The following MED23 variants were observed in gnomAD, a reference collection of about 807,000 sequenced individuals.
MED23 encodes mediator of RNA polymerase II transcription subunit 23.
Under a neutral mutation model 163.9 loss-of-function variants are expected in MED23, and 105 were observed. The observed-to-expected ratio is 0.64, with a 90% CI of 0.55 to 0.75. The LOEUF (loss-of-function observed/expected upper bound fraction) is 0.75, where lower values mean the gene tolerates loss of function less well. Ranked by LOEUF, MED23 falls within the 30% of genes least tolerant of loss-of-function variation. The pLI, the probability that MED23 is intolerant of heterozygous loss-of-function variation, is 0.00. For synonymous variants in MED23, 561 were observed against 565.6 expected, an observed-to-expected ratio of 0.99 and a Z score of 0.12; for missense variants, 1,054 against 1,649.0, an observed-to-expected ratio of 0.64 and a Z score of 6.25.
At chr6:131,604,600 T>C (rs918964813) in intron 14 of MED23, among the ~76,000 whole-genome samples, 1 of 152,170 alleles carries the variant, frequency 6.6e-6, no homozygotes, top group African/African-American at 2.4e-5. Context: ...TTGAGGGATT[T>C]TGGTCACTCA....
chr6:131,608,515 C>A (rs927501097), intron 11 of MED23, among the ~76,000 whole-genome samples: 1 of 151,758 alleles, frequency 6.6e-6, no homozygotes, highest in Non-Finnish European at 1.5e-5. Context: ...GACTGGTTGT[C>A]ATAAAACATG....
At chr6:131,605,091 AT>A (rs1423965118) in intron 14 of MED23, 148 bp downstream of exon 14, 1 of 783,170 alleles carries the variant, frequency 1.3e-6, no homozygotes, top group Admixed American at 2.9e-5. Context: ...AATAAAAAAT[AT>A]TTACTTTTGT....
At chr6:131,627,863 A>C in intron 1 of MED23, 148 bp downstream of exon 1, 2 of 1,159,702 alleles carry the variant, frequency 1.7e-6, no homozygotes, top group South Asian at 1.2e-5. Flanking sequence ...GAATCACTAA[A>C]CTTCCCCGCA....
rs1033217169 is a variant in MED23, at chr6:131,577,853, G to A, written c.4096-3558C>T. On this transcript the variant is annotated intron_variant, in intron 30 of 30. Transcript: ENST00000354577. ...CCGGAGGCAGAGGTTGCAGTGAGCT[G>A]AGATTGCGCCACTGCACCCCAACCT... Among the ~76,000 whole-genome samples, 2 of 149,864 alleles carry A rather than the reference G, an allele frequency of 1.3e-5. 1 individual carries two copies. The highest frequency in any genetic ancestry group is 1.3e-4 in the Admixed American group (2 of 14,964).
chr6:131,582,465 C>T (rs1033558829), downstream of MED23, among the ~76,000 whole-genome samples: 2 of 152,288 alleles, frequency 1.3e-5, no homozygotes, highest in Middle Eastern at 3.4e-3. Context: ...GGGAGGCACA[C>T]ATCCTCTTCT....
In MED23 at chr6:131,591,335, C is replaced by T. The variant is rs780433686; in HGVS notation, c.3664G>A (p.Gly1222Arg). The T allele has an allele frequency of 3.1e-6, 5 of 1,612,522 alleles. No individual in the cohort carries two copies. The highest frequency in any genetic ancestry group is 1.7e-5 in the Admixed American group (1 of 60,000). Reference protein sequence around the residue: ...AHAVWHHSSIGQLSLIPKFLT... With the variant: ...AHAVWHHSSIRQLSLIPKFLT... ...TACTTTGGAATGAGAGAAAGTTGTC[C>T]GATGCTAGAATGGTGCCACACAGCA... The change falls in exon 26 of 29, where the codon GGA (glycine) becomes AGA (arginine). Residue 1222 changes from glycine (G) to arginine (R), a missense_variant. Gly to Arg is a moderately radical substitution (Grantham distance 125, BLOSUM62 -2). Coordinates refer to ENST00000368068, the MANE Select transcript of MED23 (RefSeq NM_004830.4).
intron 8 of MED23, among the ~76,000 whole-genome samples, chr6:131,619,599 T>G (rs1284057145): frequency 1.3e-5 from 2 of 152,180 alleles, no homozygotes; most frequent in African/African-American, 4.8e-5. Flanking sequence ...ACTTCTAGAA[T>G]GGTTTTAAAT....
intron 5 of MED23, 54 bp downstream of exon 5, chr6:131,623,297 C>T (rs548409769): frequency 6.5e-5 from 91 of 1,410,374 alleles, no homozygotes; most frequent in Non-Finnish European, 7.9e-5. Flanking sequence ...ACATGCACAC[C>T]GAAAAATCAA....
chr6:131,624,861 G>A lies in MED23; in HGVS notation c.284+4C>T, dbSNP rs752028214. On this transcript the variant is annotated splice_donor_region_variant and intron_variant, in intron 4 of 28. Transcript: ENST00000368068. ...TTCAGATTGCTCATACCCATTAAAC[G>A]TACCTGGGTGGAAGGAGACCAGTCT... The A allele has an allele frequency of 2.5e-5, 41 of 1,613,414 alleles. No homozygotes were observed. Among genetic ancestry groups the A allele is most frequent in the Middle Eastern group, 1.6e-4 (1 of 6,080 alleles).
At chr6:131,622,147 C>T (rs963192113) in intron 5 of MED23, among the ~76,000 whole-genome samples, 168 bp from the exon 6 acceptor site, 4 of 152,070 alleles carry the variant, frequency 2.6e-5, no homozygotes, top group African/African-American at 9.7e-5. Flanking sequence ...AGTCATGTTC[C>T]AAAACAGAGT....
Position 131,600,091 on chromosome 6 carries a change from T to C in MED23, c.2167A>G (p.Thr723Ala). Residue 723 changes from threonine (T) to alanine (A), a missense_variant, in exon 18 of 29, where the codon ACT becomes GCT. This residue lies in a region of MED23 where 228 missense variants were observed against 461.3 expected (regional missense o/e 0.49). Transcript: ENST00000368068. ...GTGTGTGAAGCCCAATTATGAGGAG[T>C]GAAACTCATGATGGTCTGAAGTATG... ...KDILQTIMSF[T>A]PHNWASHTLS... 6.2e-7 allele frequency: 1 copy of C among 1,613,464 alleles called. No individual in the cohort carries two copies. The highest frequency in any genetic ancestry group is 8.5e-7 in the Non-Finnish European group (1 of 1,179,606).
intron 25 of MED23, chr6:131,591,997 T>C (rs1029301382): frequency 5.7e-5 from 13 of 228,588 alleles, no homozygotes; most frequent in African/African-American, 2.6e-4. Context: ...ATAAGAAAAA[T>C]GTCTTATTCC....
At chr6:131,584,344 CAT>C (rs1169877406), downstream of MED23, 5 of 174,136 alleles carry the variant, frequency 2.9e-5, no homozygotes, top group South Asian at 6.8e-4. Context: ...ATTGTGTCTA[CAT>C]ATTTCTAAAT....
Position 131,587,025 on chromosome 6 carries a change from T to C in MED23, c.*654A>G. ...TTTTAAGTTCAAGAATTTTCAGATGTTATTTTCTTACATGGCTTCCAACTA... is the reference window on the plus strand; with the variant it reads ...TTTTAAGTTCAAGAATTTTCAGATGCTATTTTCTTACATGGCTTCCAACTA... On this transcript the variant is annotated 3_prime_UTR_variant, in exon 29 of 29. Transcript: ENST00000368068. 6.9e-7 allele frequency: 1 copy of C among 1,442,616 alleles called. No individual in the cohort carries two copies. The highest frequency in any genetic ancestry group is 9.1e-7 in the Non-Finnish European group (1 of 1,095,694). 89.4% of individuals were successfully genotyped at this position (1,442,616 alleles called of 1,614,324 possible).
At chr6:131,619,250 G>C (rs375299607) in intron 8 of MED23, among the ~76,000 whole-genome samples, 5 of 152,102 alleles carry the variant, frequency 3.3e-5, no homozygotes, top group African/African-American at 1.2e-4. Flanking sequence ...CTGGCTTATA[G>C]GAAGTACTCA....
At chr6:131,574,098 AAG>A in exon 31 of MED23, 2 of 696,340 alleles carry the variant, frequency 2.9e-6, no homozygotes, top group Non-Finnish European at 5.2e-6. Flanking sequence ...TATTCTAGTA[AAG>A]AGAGTGTGAT....
At chr6:131,612,057 G>A (rs1361388531) in intron 10 of MED23, among the ~76,000 whole-genome samples, 1 of 152,002 alleles carries the variant, frequency 6.6e-6, no homozygotes, top group Non-Finnish European at 1.5e-5. Flanking sequence ...AAAGCTGATG[G>A]TCTTTCAATA....
chr6:131,582,453 A>C (rs1773975045), downstream of MED23, among the ~76,000 whole-genome samples: 1 of 152,164 alleles, frequency 6.6e-6, no homozygotes, highest in Admixed American at 6.5e-5. Flanking sequence ...AAAGCAATCA[A>C]GGGGAGGCAC....
downstream of MED23, chr6:131,582,591 C>A (rs765556316): frequency 4.5e-6 from 7 of 1,556,706 alleles, no homozygotes; most frequent in Middle Eastern, 3.3e-4. Context: ...GAGAATCATA[C>A]ATAACCAAGT....
Sources: allele counts gnomAD v4.1 joint callset (sites outside exome capture counted in the v4.1 genomes callset), GRCh38; gene constraint gnomAD v4.1.1; regional missense constraint gnomAD v4.1.1; transcripts MANE v1.5; gene names NCBI Gene and HGNC (gene_info 2026-07-23, HGNC 2026-07-21).